The following ZNF407 variants were observed in gnomAD, a reference collection of about 807,000 sequenced individuals.
ZNF407 encodes the protein zinc finger protein 407.
Under a neutral mutation model 131.2 loss-of-function variants are expected in ZNF407, and 17 were observed. The ratio of observed to expected loss-of-function variants is 0.13; its 90% CI spans 0.09 to 0.19. ZNF407 has a LOEUF of 0.19. ZNF407 is among the 10% of genes least tolerant of loss of function. ZNF407 has a pLI of 1.00. For missense variants in ZNF407, 2,681 were observed against 2,830.6 expected (o/e 0.95, Z 1.20); for synonymous variants, 1,156 against 1,062.0 (o/e 1.09, Z -1.72).
intron 7 of ZNF407, among the ~76,000 whole-genome samples, chr18:74,913,874 C>G (rs1241786243): frequency 6.6e-6 from 1 of 152,068 alleles, no homozygotes; most frequent in African/African-American, 2.4e-5. Flanking sequence ...TTGTGGTGTT[C>G]TGTTTATTAT....
intron 1 of ZNF407, among the ~76,000 whole-genome samples, chr18:74,605,186 G>T (rs1054367762): frequency 1.3e-5 from 2 of 151,848 alleles, no homozygotes; most frequent in East Asian, 3.8e-4. Context: ...ACATTCCGGC[G>T]GTGACTTCAG....
chr18:74,613,800 A>G (rs1983167586), intron 1 of ZNF407, among the ~76,000 whole-genome samples: 2 of 152,170 alleles, frequency 1.3e-5, no homozygotes, highest in South Asian at 2.1e-4. Flanking sequence ...TTTCTCCCCC[A>G]TTAAACAAAT....
intron 4 of ZNF407, among the ~76,000 whole-genome samples, chr18:74,844,122 C>T (rs1416659609): frequency 6.6e-6 from 1 of 152,208 alleles, no homozygotes; most frequent in South Asian, 2.1e-4. Context: ...CCAACCTTGA[C>T]TCTACTGCCC....
At chr18:74,952,442 G>A (rs1414666547) in intron 8 of ZNF407, among the ~76,000 whole-genome samples, 3 of 152,148 alleles carry the variant, frequency 2.0e-5, no homozygotes, top group African/African-American at 4.8e-5. Context: ...AATACTTGTC[G>A]AGCGCTTTCT....
chr18:74,706,940 C>CCT (rs1967637808), intron 3 of ZNF407, among the ~76,000 whole-genome samples: 1 of 132,350 alleles, frequency 7.6e-6, no homozygotes, highest in Non-Finnish European at 1.6e-5. Context: ...AAGACAGCAG[C>CCT]TTTTTTTTTT....
At chr18:74,749,014 T>C (rs920506677) in intron 3 of ZNF407, among the ~76,000 whole-genome samples, 4 of 152,156 alleles carry the variant, frequency 2.6e-5, no homozygotes, top group African/African-American at 9.7e-5. Context: ...TTGGTGCTCA[T>C]GGGCAGAGCT....
intron 4 of ZNF407, among the ~76,000 whole-genome samples, chr18:74,848,355 A>G (rs1340166343): frequency 1.3e-5 from 2 of 152,140 alleles, no homozygotes. Context: ...GAGTTTCTTG[A>G]AGGAATTGAA....
intron 6 of ZNF407, among the ~76,000 whole-genome samples, 175 bp from the exon 7 acceptor site, chr18:74,889,743 T>G (rs568420692): frequency 6.6e-6 from 1 of 152,252 alleles, no homozygotes; most frequent in Non-Finnish European, 1.5e-5. Context: ...TGATATCTTC[T>G]AATTTTCTCA....
intron 3 of ZNF407, among the ~76,000 whole-genome samples, chr18:74,737,635 T>C (rs1487024308): frequency 6.6e-6 from 1 of 152,058 alleles, no homozygotes; most frequent in Non-Finnish European, 1.5e-5. Context: ...CACACACCCT[T>C]ACGTTTAGGT....
chr18:74,683,624 A>T (rs759262962), intron 3 of ZNF407, among the ~76,000 whole-genome samples: 5 of 152,204 alleles, frequency 3.3e-5, no homozygotes, highest in Non-Finnish European at 7.3e-5. Context: ...TGAATGAATG[A>T]ATCACACTTG....
chr18:74,995,397 A>G (rs1972768821), intron 8 of ZNF407, among the ~76,000 whole-genome samples: 1 of 152,080 alleles, frequency 6.6e-6, no homozygotes, highest in Non-Finnish European at 1.5e-5. Flanking sequence ...GGGTGATTCG[A>G]TCCTACACTG....
intron 1 of ZNF407, among the ~76,000 whole-genome samples, chr18:74,604,337 C>T (rs951986663): frequency 5.3e-5 from 8 of 150,808 alleles, no homozygotes; most frequent in Non-Finnish European, 1.5e-5. Context: ...TCCTCATGTG[C>T]ATTTTGATCC....
intron 3 of ZNF407, among the ~76,000 whole-genome samples, chr18:74,754,202 TC>T (rs1968874703): frequency 6.6e-6 from 1 of 152,204 alleles, no homozygotes; most frequent in African/African-American, 2.4e-5. Flanking sequence ...ATCCCCTTTA[TC>T]ATTTTTTTAT....
In ZNF407 at chr18:75,000,785, AC is replaced by A. The variant is rs547461816; in HGVS notation, c.5429-62364del. ...TACCTGCCTATGTGCTCAACCTTATACTAAGAGCATTGTGGAATATAAACTA... is the reference window on the plus strand; with the variant it reads ...TACCTGCCTATGTGCTCAACCTTATATAAGAGCATTGTGGAATATAAACTA... On this transcript the variant is annotated intron_variant, in intron 8 of 8. Transcript: ENST00000299687. 1.3e-3 allele frequency among the ~76,000 whole-genome samples: 205 copies of A among 152,338 alleles called. 1 individual carries two copies. The highest frequency in any genetic ancestry group is 4.8e-3 in the African/African-American group (198 of 41,568).
At chr18:74,872,469 T>C (rs2145174097) in intron 4 of ZNF407, among the ~76,000 whole-genome samples, 1 of 152,146 alleles carries the variant, frequency 6.6e-6, no homozygotes, top group Non-Finnish European at 1.5e-5. Context: ...TAAATTTTAA[T>C]GGGGGAGATA....
chr18:74,618,106 T>G (rs1487325533), intron 1 of ZNF407, among the ~76,000 whole-genome samples: 1 of 152,204 alleles, frequency 6.6e-6, no homozygotes, highest in East Asian at 1.9e-4. Context: ...ACCGCATTAT[T>G]TGGGTGCTCC....
Position 74,635,024 on chromosome 18 carries a change from T to G in ZNF407, c.4005T>G (p.Asp1335Glu), listed in dbSNP as rs1984380857. Residue 1335 changes from aspartate (D) to glutamate (E), a missense_variant, in exon 2 of 9, where the codon GAT (aspartate) becomes GAG (glutamate). Asp to Glu is a conservative substitution (Grantham distance 45, BLOSUM62 2). Transcript: ENST00000299687. This position sits in a 1 kb window ranked among gnomAD's most constrained non-coding sequence, Gnocchi z 4.7. ...CTGATAGCACAGTTGAAAGTAGTGA[T>G]GTCTATGAAACTATAATTAGTATTG... ...PASDSTVESS[D>E]VYETIISIDD... The G allele has an allele frequency of 3.7e-6, 6 of 1,614,012 alleles. No homozygotes were observed. In the Middle Eastern group the frequency reaches 4.9e-4, roughly 133 times the overall value.
At chr18:74,918,338 A>G (rs1215383944) in intron 7 of ZNF407, among the ~76,000 whole-genome samples, 3 of 152,212 alleles carry the variant, frequency 2.0e-5, no homozygotes, top group Non-Finnish European at 4.4e-5. Flanking sequence ...CACCAGCCAT[A>G]CAGCCTGTGT....
chr18:74,678,320 C>G (rs1966900478), intron 3 of ZNF407, among the ~76,000 whole-genome samples: 1 of 152,178 alleles, frequency 6.6e-6, no homozygotes, highest in South Asian at 2.1e-4. Flanking sequence ...CCATTTACTT[C>G]TGCATTACCC....
Sources: gnomAD v4.1 joint callset for allele counts (sites outside exome capture counted in the v4.1 genomes callset) on GRCh38, gnomAD v4.1.1 for gene constraint, Gnocchi (gnomAD v3.1) non-coding constraint, MANE v1.5 for transcripts, NCBI Gene and HGNC (gene_info 2026-07-23, HGNC 2026-07-21) for gene names.